Variants in MALRD1 observed in about 807,000 individuals in gnomAD.
MALRD1 encodes MAM and LDL receptor class A domain containing 1.
Under a neutral mutation model 242.1 loss-of-function variants are expected in MALRD1, and 247 were observed. That is an observed-to-expected ratio of 1.02 (90% CI 0.92 to 1.13). The LOEUF is 1.13. MALRD1 is among the 50% of genes most tolerant of loss of function. MALRD1 has a pLI of 0.00. For synonymous variants in MALRD1, 995 were observed against 866.6 expected, an observed-to-expected ratio of 1.15 and a Z score of -2.60; for missense variants, 2,989 against 2,533.1, an observed-to-expected ratio of 1.18 and a Z score of -3.86.
At chr10:19,452,921 G>T (rs182285823) in intron 29 of MALRD1, among the ~76,000 whole-genome samples, 4 of 152,108 alleles carry the variant, frequency 2.6e-5, no homozygotes, top group Non-Finnish European at 4.4e-5. Context: ...TCTTCATTTC[G>T]CTTTGCGTCG....
chr10:19,421,404 A>G (rs1462746201), intron 28 of MALRD1, among the ~76,000 whole-genome samples: 1 of 152,174 alleles, frequency 6.6e-6, no homozygotes, highest in Admixed American at 6.5e-5. Flanking sequence ...AGGGAATAAC[A>G]AGTAACTGTG....
intron 21 of MALRD1, among the ~76,000 whole-genome samples, chr10:19,314,624 A>G (rs1363841710): frequency 1.3e-5 from 2 of 151,662 alleles, no homozygotes; most frequent in Non-Finnish European, 3.0e-5. Flanking sequence ...AGCAGTGAGC[A>G]AACTATAGCC....
In MALRD1 at chr10:19,190,812, C is replaced by T. The variant is rs994190282; in HGVS notation, c.1952-12916C>T. On this transcript the variant is annotated intron_variant, in intron 14 of 39. Coordinates refer to ENST00000454679, the MANE Select transcript of MALRD1 (RefSeq NM_001142308.3). ...TCATATTCAAAAAGTAACTCAAAATCAATCCATAAACTAAATATAAGACCT... is the reference window on the plus strand; with the variant it reads ...TCATATTCAAAAAGTAACTCAAAATTAATCCATAAACTAAATATAAGACCT... Among the ~76,000 whole-genome samples the T allele has an allele frequency of 3.3e-5, 5 of 152,052 alleles. No individual in the cohort carries two copies. In the South Asian group the frequency reaches 1.0e-3, roughly 31 times the overall value.
At chr10:19,599,737 A>G (rs1398087777) in intron 34 of MALRD1, among the ~76,000 whole-genome samples, 2 of 152,156 alleles carry the variant, frequency 1.3e-5, no homozygotes, top group Non-Finnish European at 2.9e-5. Context: ...CCTGTAGACC[A>G]AAGAGTGTGA....
intron 36 of MALRD1, among the ~76,000 whole-genome samples, chr10:19,620,655 C>T (rs74706109): frequency 0.04 from 6,103 of 151,852 alleles, 380 homozygotes; most frequent in African/African-American, 0.13. Context: ...TTTTGAAGAC[C>T]GTGGGCCAAG....
intron 31 of MALRD1, among the ~76,000 whole-genome samples, chr10:19,529,546 A>AGGG (rs71388844): frequency 1.3e-4 from 17 of 128,612 alleles, no homozygotes; most frequent in African/African-American, 3.4e-4. Flanking sequence ...AAAAAACAGG[A>AGGG]GGGGGGGGGA....
At chr10:19,501,829 C>T (rs1368795061) in intron 31 of MALRD1, among the ~76,000 whole-genome samples, 5 of 151,254 alleles carry the variant, frequency 3.3e-5, no homozygotes, top group East Asian at 1.9e-4. Context: ...CCCAGCAGTT[C>T]GAGACCAGCC....
chr10:19,166,526 G>A (rs766358657), intron 13 of MALRD1, among the ~76,000 whole-genome samples: 4 of 152,128 alleles, frequency 2.6e-5, no homozygotes, highest in Non-Finnish European at 5.9e-5. Flanking sequence ...GCACAGTAGG[G>A]CAATTATAAC....
chr10:19,595,137 AC>A (rs1388118710), intron 33 of MALRD1, 56 bp from the exon 34 acceptor site: 3 of 1,487,572 alleles, frequency 2.0e-6, no homozygotes, highest in Non-Finnish European at 9.0e-7. Context: ...ATGTCCCAAC[AC>A]TGGATGGAGG....
intron 25 of MALRD1, among the ~76,000 whole-genome samples, chr10:19,351,060 C>A (rs1844354567): frequency 6.6e-6 from 1 of 152,174 alleles, no homozygotes; most frequent in Non-Finnish European, 1.5e-5. Context: ...ATGGCTCACC[C>A]ATTCTTGGTT....
At chr10:19,442,176 T>C (rs1279297763) in intron 28 of MALRD1, among the ~76,000 whole-genome samples, 2 of 152,188 alleles carry the variant, frequency 1.3e-5, no homozygotes, top group Admixed American at 1.3e-4. Context: ...TTTTTGCACA[T>C]TGATTTTGTA....
chr10:19,598,211 G>A (rs540523228), intron 34 of MALRD1: 1 of 152,166 alleles, frequency 6.6e-6, no homozygotes, highest in African/African-American at 2.4e-5. Context: ...GGATGGTCAG[G>A]TGATGAGGAA....
At chr10:19,456,102 A>G (rs1390559544) in intron 29 of MALRD1, among the ~76,000 whole-genome samples, 2 of 152,182 alleles carry the variant, frequency 1.3e-5, no homozygotes, top group African/African-American at 2.4e-5. Context: ...AAGGAAAAGG[A>G]AGAGATAATT....
chr10:19,474,300 T>C (rs1294715024), intron 29 of MALRD1, among the ~76,000 whole-genome samples: 1 of 152,190 alleles, frequency 6.6e-6, no homozygotes, highest in Admixed American at 6.5e-5. Flanking sequence ...TAAGAAAATA[T>C]AAGTACATAT....
intron 28 of MALRD1, among the ~76,000 whole-genome samples, chr10:19,442,460 AT>A (rs1311231456): frequency 6.6e-6 from 1 of 152,164 alleles, no homozygotes; most frequent in Non-Finnish European, 1.5e-5. Flanking sequence ...TGGGTTTGTT[AT>A]AAACAGCTCT....
intron 18 of MALRD1, among the ~76,000 whole-genome samples, chr10:19,234,444 T>C (rs1033999818): frequency 2.0e-5 from 3 of 152,146 alleles, no homozygotes; most frequent in Admixed American, 1.3e-4. Flanking sequence ...CTGATAGATA[T>C]GAACAAATCT....
At chr10:19,294,320 C>T (rs1041300229) in intron 21 of MALRD1, among the ~76,000 whole-genome samples, 1 of 152,084 alleles carries the variant, frequency 6.6e-6, no homozygotes, top group African/African-American at 2.4e-5. Context: ...GTAAATTAGA[C>T]TTGATTCCCT....
chr10:19,064,596 T>TA (rs1262243668), intron 1 of MALRD1, among the ~76,000 whole-genome samples: 1 of 151,724 alleles, frequency 6.6e-6, no homozygotes, highest in Non-Finnish European at 1.5e-5. Flanking sequence ...ACTATTTAGA[T>TA]GAAAAAATGT....
At chr10:19,580,282 T>G (rs1175365967) in intron 33 of MALRD1, among the ~76,000 whole-genome samples, 2 of 152,196 alleles carry the variant, frequency 1.3e-5, no homozygotes, top group Admixed American at 6.5e-5. Flanking sequence ...TATGGAGGAA[T>G]TCTTTATAAT....
Sources: gnomAD v4.1 joint callset for allele counts (sites outside exome capture counted in the v4.1 genomes callset) on GRCh38, gnomAD v4.1.1 for gene constraint, MANE v1.5 for transcripts, NCBI Gene and HGNC (gene_info 2026-07-23, HGNC 2026-07-21) for gene names.